CACNA1A: variants seen among roughly 807,000 people sequenced by gnomAD.
CACNA1A encodes the protein calcium voltage-gated channel subunit alpha1 A.
CACNA1A carries 57 observed loss-of-function variants against 262.4 expected under a neutral mutation model. The ratio of observed to expected loss-of-function variants is 0.22; its 90% CI spans 0.18 to 0.27. The LOEUF is 0.27. CACNA1A is among the 10% of genes least tolerant of loss of function. CACNA1A has a pLI of 1.00. For missense variants in CACNA1A, 2,526 were observed against 3,562.8 expected (o/e 0.71, Z 7.41); for synonymous variants, 1,431 against 1,419.3 (o/e 1.01, Z -0.18).
intron 28 of CACNA1A, 111 bp downstream of exon 28, chr19:13,257,239 T>G (rs2056597171): frequency 7.2e-6 from 6 of 828,800 alleles, no homozygotes; most frequent in African/African-American, 1.7e-5. Context: ...GGACAATGCT[T>G]CTGTTCCCTC....
chr19:13,305,977 T>C (rs973227736), intron 15 of CACNA1A, among the ~76,000 whole-genome samples: 3 of 151,728 alleles, frequency 2.0e-5, no homozygotes, highest in African/African-American at 7.3e-5. Flanking sequence ...GGAGAATCGC[T>C]TGAACCCAGG....
At chr19:13,343,268 C>T (rs1164042119) in intron 6 of CACNA1A, among the ~76,000 whole-genome samples, 2 of 151,754 alleles carry the variant, frequency 1.3e-5, no homozygotes, top group Non-Finnish European at 2.9e-5. Flanking sequence ...TTACAGGTGC[C>T]CGCCACCACA....
intron 3 of CACNA1A, among the ~76,000 whole-genome samples, chr19:13,403,091 C>T (rs919550475): frequency 2.0e-5 from 3 of 151,484 alleles, no homozygotes; most frequent in Admixed American, 6.6e-5. Flanking sequence ...GCACAGCACT[C>T]CCAAATTCCC....
chr19:13,410,376 A>G (rs2060087690), intron 3 of CACNA1A, among the ~76,000 whole-genome samples: 1 of 151,670 alleles, frequency 6.6e-6, no homozygotes, highest in Non-Finnish European at 1.5e-5. Context: ...ACAGGCATGC[A>G]CCACCATGCC....
chr19:13,325,035 CTCT>C (rs376117549), intron 10 of CACNA1A, among the ~76,000 whole-genome samples: 28 of 151,246 alleles, frequency 1.9e-4, no homozygotes, highest in Non-Finnish European at 3.2e-4. Flanking sequence ...CTTCTTCTTC[CTCT>C]TCTTCTTCCT....
intron 1 of CACNA1A, among the ~76,000 whole-genome samples, chr19:13,490,317 G>C (rs780817819): frequency 3.3e-4 from 50 of 152,086 alleles, no homozygotes; most frequent in Non-Finnish European, 7.1e-4. Flanking sequence ...TAGAAACCTA[G>C]TCCTAGCCCA....
chr19:13,269,990 CTCCCTTCCCCTAT>C (rs1283303863), intron 24 of CACNA1A, among the ~76,000 whole-genome samples: 1 of 152,184 alleles, frequency 6.6e-6, no homozygotes, highest in Non-Finnish European at 1.5e-5. Context: ...TAACCTTATG[CTCCCTTCCCCTAT>C]TCCCTTCCCC....
chr19:13,435,877 T>A (rs967551742), intron 3 of CACNA1A, among the ~76,000 whole-genome samples: 7 of 152,124 alleles, frequency 4.6e-5, no homozygotes, highest in Non-Finnish European at 8.8e-5. Flanking sequence ...CAGGCTGGAG[T>A]GCAGTGGCGC....
At chr19:13,459,646 C>T (rs1165781745) in intron 1 of CACNA1A, among the ~76,000 whole-genome samples, 1 of 152,210 alleles carries the variant, frequency 6.6e-6, no homozygotes, top group East Asian at 1.9e-4. Flanking sequence ...AGCAGCAACG[C>T]CAAGCCCTTC....
At chr19:13,328,549 AGAAT>A (rs757293858) in intron 10 of CACNA1A, among the ~76,000 whole-genome samples, 4 of 152,248 alleles carry the variant, frequency 2.6e-5, no homozygotes, top group Admixed American at 6.5e-5. Flanking sequence ...TTTGAAACTC[AGAAT>A]GGCTCTTTGA....
At chr19:13,227,394 A>T in intron 37 of CACNA1A, 37 bp downstream of exon 37, 2 of 1,037,958 alleles carry the variant, frequency 1.9e-6, no homozygotes, top group Non-Finnish European at 2.9e-6. Flanking sequence ...AAAAAAACCC[A>T]GTGCCTGGAC....
intron 12 of CACNA1A, 105 bp downstream of exon 12, chr19:13,312,564 C>T (rs1251475112): frequency 7.4e-6 from 5 of 675,250 alleles, no homozygotes; most frequent in Non-Finnish European, 1.3e-5. Context: ...ATCTGAGTCT[C>T]TCATATTCAG....
At chr19:13,262,483 G>C in intron 25 of CACNA1A, 1 of 435,364 alleles carries the variant, frequency 2.3e-6, no homozygotes. Flanking sequence ...ATGCGAATTA[G>C]GAAAAAGGAT....
chr19:13,258,584 C>A (rs2084532051), intron 27 of CACNA1A: 1 of 152,152 alleles, frequency 6.6e-6, no homozygotes, highest in Non-Finnish European at 1.5e-5. Context: ...TTTAAAAAAA[C>A]TTTGCTCAAA....
intron 24 of CACNA1A, among the ~76,000 whole-genome samples, chr19:13,268,838 T>G (rs2144800307): frequency 6.6e-6 from 1 of 151,990 alleles, no homozygotes; most frequent in Non-Finnish European, 1.5e-5. Flanking sequence ...GACTTGGGGT[T>G]CTCAAATTCA....
chr19:13,431,889 G>C (rs146985034), intron 3 of CACNA1A, among the ~76,000 whole-genome samples: 1 of 151,786 alleles, frequency 6.6e-6, no homozygotes, highest in East Asian at 1.9e-4. Flanking sequence ...GGCAGATCAC[G>C]AGATCAAGAG....
intron 3 of CACNA1A, among the ~76,000 whole-genome samples, chr19:13,394,696 T>TA (rs1177229056): frequency 3.9e-5 from 6 of 152,154 alleles, no homozygotes; most frequent in African/African-American, 1.4e-4. Flanking sequence ...TGGGCGCCTA[T>TA]ACCCACTTCA....
intron 24 of CACNA1A, chr19:13,274,663 C>A (rs1257288643): frequency 6.6e-6 from 1 of 152,254 alleles, no homozygotes; most frequent in Non-Finnish European, 1.5e-5. Flanking sequence ...GGGCTAATGG[C>A]CACTCACCTG....
At chr19:13,269,604 G>A (rs1008509877) in intron 24 of CACNA1A, among the ~76,000 whole-genome samples, 4 of 152,152 alleles carry the variant, frequency 2.6e-5, no homozygotes, top group East Asian at 1.9e-4. Context: ...GAACAGCCGC[G>A]CCAGATGGAC....
Sources: gnomAD v4.1 joint callset for allele counts (sites outside exome capture counted in the v4.1 genomes callset) on GRCh38, gnomAD v4.1.1 for gene constraint, MANE v1.5 for transcripts, NCBI Gene and HGNC (gene_info 2026-07-23, HGNC 2026-07-21) for gene names.